The following TDG variants were observed in gnomAD, a reference collection of about 807,000 sequenced individuals.
The protein encoded by TDG is G/T mismatch-specific thymine DNA glycosylase.
In TDG, 23 loss-of-function variants were observed where a neutral mutation model predicts 46.1. The ratio of observed to expected loss-of-function variants is 0.50; its 90% CI spans 0.36 to 0.71. The LOEUF is 0.71. Ranked by LOEUF, TDG falls within the 30% of genes least tolerant of loss-of-function variation. The probability of loss-of-function intolerance (pLI) is 0.00; values close to 1 mark genes in which losing one functional copy is unlikely to be tolerated. For synonymous variants in TDG, 115 were observed against 161.3 expected (o/e 0.71, Z 2.18); for missense variants, 304 against 486.7 (o/e 0.62, Z 3.53).
chr12:103,984,485 G>A (rs559552309), intron 7 of TDG, among the ~76,000 whole-genome samples: 6 of 152,188 alleles, frequency 3.9e-5, no homozygotes, highest in South Asian at 2.1e-4. Context: ...TCCCAGCTAC[G>A]TAGGAGGCTG....
At chr12:103,971,076 T>C (rs1488308660) in intron 1 of TDG, among the ~76,000 whole-genome samples, 2 of 152,226 alleles carry the variant, frequency 1.3e-5, no homozygotes, top group African/African-American at 2.4e-5. Flanking sequence ...AGGATCTGCA[T>C]AGGTTATATA....
intron 7 of TDG, among the ~76,000 whole-genome samples, chr12:103,984,451 C>T (rs1329109401): frequency 6.6e-6 from 1 of 152,076 alleles, no homozygotes; most frequent in Non-Finnish European, 1.5e-5. Flanking sequence ...AAAAATTAGC[C>T]AGGCATGGTG....
chr12:103,972,876 A>G (rs994507653), intron 1 of TDG: 2 of 597,328 alleles, frequency 3.3e-6, no homozygotes, highest in African/African-American at 3.8e-5. Context: ...ACCTCCGACT[A>G]TACTAAAAGT....
chr12:103,979,034 A>G (rs1382643225), intron 2 of TDG, among the ~76,000 whole-genome samples: 2 of 151,788 alleles, frequency 1.3e-5, no homozygotes, highest in African/African-American at 2.4e-5. Context: ...TCCCCTCTTC[A>G]ACTATGTATG....
intron 9 of TDG, 52 bp downstream of exon 9, chr12:103,985,780 T>G: frequency 7.0e-7 from 1 of 1,433,304 alleles, no homozygotes; most frequent in Non-Finnish European, 9.2e-7. Flanking sequence ...TGGTCAGGAT[T>G]GGGGGGAAAA....
chr12:103,979,284 G>T (rs888376419), intron 2 of TDG, among the ~76,000 whole-genome samples: 1 of 151,682 alleles, frequency 6.6e-6, no homozygotes, highest in Non-Finnish European at 1.5e-5. Context: ...TGTATTTTTA[G>T]TAAAGACGGG....
chr12:103,974,653 A>G (rs1871435508), intron 1 of TDG, among the ~76,000 whole-genome samples: 1 of 152,010 alleles, frequency 6.6e-6, no homozygotes, highest in African/African-American at 2.4e-5. Flanking sequence ...ATGAAAACTG[A>G]TTAGTATAGT....
At chr12:103,981,040 G>A in intron 4 of TDG, 78 bp downstream of exon 4, 2 of 1,314,200 alleles carry the variant, frequency 1.5e-6, no homozygotes, top group Non-Finnish European at 2.1e-6. Context: ...AAAACCAATT[G>A]TGTTTTTAAA....
At chr12:103,974,631 A>T (rs1871433765) in intron 1 of TDG, among the ~76,000 whole-genome samples, 1 of 152,232 alleles carries the variant, frequency 6.6e-6, no homozygotes, top group Admixed American at 6.5e-5. Flanking sequence ...CTTTCAATGA[A>T]TATCATAGAG....
chr12:103,966,890 C>G (rs577162328), intron 1 of TDG, among the ~76,000 whole-genome samples: 4 of 152,234 alleles, frequency 2.6e-5, no homozygotes, highest in South Asian at 2.1e-4. Flanking sequence ...TGGGCCTGTT[C>G]ATGTCTGTAA....
chr12:103,972,547 G>T (rs566430643), intron 1 of TDG, among the ~76,000 whole-genome samples: 1 of 152,326 alleles, frequency 6.6e-6, no homozygotes, highest in East Asian at 1.9e-4. Context: ...TTAGGCAGCT[G>T]TTGAGGTAAA....
intron 9 of TDG, 156 bp from the exon 10 acceptor site, chr12:103,986,792 G>A: frequency 1.5e-6 from 1 of 683,378 alleles, no homozygotes; most frequent in Non-Finnish European, 2.4e-6. Context: ...GGCTAGGATG[G>A]GAGGATCACT....
rs539447724 is a variant in TDG, at chr12:103,986,949, T to C, written c.1092T>C (p.Ile364=). Residue 364 remains isoleucine, a splice_region_variant and synonymous_variant, in exon 10 of 10, where the codon ATT becomes ATC. Transcript: ENST00000392872. ...EPCGFSSNGL[I]ESVELRGESA... is the part of the protein sequence containing the mutation. ...AACTTTGTTTTTCTTTTCTGGCAGTTGAGAGCGTGGAGTTAAGAGGAGAAT... is the reference window on the plus strand; with the variant it reads ...AACTTTGTTTTTCTTTTCTGGCAGTCGAGAGCGTGGAGTTAAGAGGAGAAT... 2 of 1,613,980 alleles carry C rather than the reference T, an allele frequency of 1.2e-6. No individual in the cohort carries two copies. The highest frequency in any genetic ancestry group is 2.7e-5 in the African/African-American group (2 of 75,082).
intron 1 of TDG, among the ~76,000 whole-genome samples, chr12:103,968,915 A>G (rs1593506511): frequency 6.6e-6 from 1 of 152,200 alleles, no homozygotes; most frequent in Non-Finnish European, 1.5e-5. Flanking sequence ...GATCACCTGA[A>G]GTCAGGAGTT....
At chr12:103,981,020 T>G in intron 4 of TDG, 58 bp downstream of exon 4, 1 of 1,488,462 alleles carries the variant, frequency 6.7e-7, no homozygotes, top group African/African-American at 1.4e-5. Context: ...TGTTAACAGG[T>G]TTTTTCAGAA....
At chr12:103,983,956 G>A (rs1212033881) in intron 7 of TDG, among the ~76,000 whole-genome samples, 1 of 152,070 alleles carries the variant, frequency 6.6e-6, no homozygotes, top group Non-Finnish European at 1.5e-5. Context: ...TTCCAATTTT[G>A]CTTCTTAGTT....
chr12:103,980,746 A>C, intron 3 of TDG, 147 bp from the exon 4 acceptor site: 2 of 626,358 alleles, frequency 3.2e-6, no homozygotes, highest in South Asian at 4.4e-5. Context: ...TCAGATCAAG[A>C]GTAGTAATTG....
chr12:103,973,703 GTATGCTTCTAAGC>G (rs1377600264), intron 1 of TDG, among the ~76,000 whole-genome samples: 2 of 152,116 alleles, frequency 1.3e-5, no homozygotes, highest in Admixed American at 1.3e-4. Flanking sequence ...TTTGTGCCAG[GTATGCTTCTAAGC>G]ATAGTTCTAC....
chr12:103,976,535 A>G (rs1871551255), intron 1 of TDG, among the ~76,000 whole-genome samples: 1 of 152,124 alleles, frequency 6.6e-6, no homozygotes, highest in South Asian at 2.1e-4. Context: ...TACTGAAGGA[A>G]AGTAGGGGCA....
Sources: allele counts gnomAD v4.1 joint callset (sites outside exome capture counted in the v4.1 genomes callset), GRCh38; gene constraint gnomAD v4.1.1; transcripts MANE v1.5; gene names NCBI Gene and HGNC (gene_info 2026-07-23, HGNC 2026-07-21).